MAST4: variants seen among roughly 807,000 people sequenced by gnomAD.
MAST4 encodes microtubule-associated serine/threonine-protein kinase 4.
MAST4 carries 89 observed loss-of-function variants against 162.7 expected under a neutral mutation model. The observed-to-expected ratio is 0.55, with a 90% CI of 0.46 to 0.65. The LOEUF (loss-of-function observed/expected upper bound fraction) is 0.65. Ranked by LOEUF, MAST4 falls within the 30% of genes least tolerant of loss-of-function variation. MAST4 has a pLI of 0.00. For synonymous variants in MAST4, 1,479 were observed against 1,361.1 expected, an observed-to-expected ratio of 1.09 and a Z score of -1.91; for missense variants, 3,153 against 3,374.0, an observed-to-expected ratio of 0.93 and a Z score of 1.62.
intron 3 of MAST4, among the ~76,000 whole-genome samples, chr5:66,827,617 T>G (rs923805227): frequency 1.4e-4 from 22 of 152,234 alleles, no homozygotes; most frequent in African/African-American, 4.8e-4. Flanking sequence ...GACACTTCCT[T>G]CCCCTCTCCC....
chr5:66,983,210 T>C (rs536813592), intron 4 of MAST4, among the ~76,000 whole-genome samples: 2 of 152,224 alleles, frequency 1.3e-5, no homozygotes, highest in Non-Finnish European at 2.9e-5. Context: ...AGTCAGTTTC[T>C]GCTCTAGGCA....
At chr5:67,040,501 A>AGG (rs1561564725) in intron 4 of MAST4, among the ~76,000 whole-genome samples, 1 of 152,148 alleles carries the variant, frequency 6.6e-6, no homozygotes, top group Non-Finnish European at 1.5e-5. Flanking sequence ...ATCTGTACAC[A>AGG]AGTGTATCCT....
chr5:67,131,980 C>T, intron 16 of MAST4, 29 bp downstream of exon 16: 1 of 1,598,658 alleles, frequency 6.3e-7, no homozygotes, highest in Non-Finnish European at 8.5e-7. Flanking sequence ...TATATGTCTT[C>T]TTTTGCCCAA....
At position 67,163,090 on chromosome 5, in the gene MAST4, T is replaced by TG. The variant is rs1581774096; in HGVS notation, c.3968-56dup. ...CCTAATACAGTCTGGGCTACAACTG[T>TG]GAAAAAAAGGGGAAAATGACCATGG... On this transcript the variant is annotated intron_variant, in intron 28 of 28. Transcript: ENST00000403625. This position sits in a 1 kb window ranked among gnomAD's most constrained non-coding sequence, Gnocchi z 7.0. The TG allele has an allele frequency of 4.5e-6, 7 of 1,540,804 alleles. No homozygotes were observed. Among genetic ancestry groups the TG allele is most frequent in the South Asian group, 2.4e-5 (2 of 81,744 alleles).
At chr5:66,934,413 T>C (rs1742493853) in intron 4 of MAST4, among the ~76,000 whole-genome samples, 1 of 152,092 alleles carries the variant, frequency 6.6e-6, no homozygotes, top group South Asian at 2.1e-4. Context: ...ATTGAAGTAG[T>C]AATATTTAGC....
rs144940559 is a variant in MAST4 at position 66,618,807 on chromosome 5, A to AT, written c.363+21799dup. Among the ~76,000 whole-genome samples, 411 of 150,522 alleles carry AT rather than the reference A, an allele frequency of 2.7e-3. 1 individual carries two copies. Among genetic ancestry groups the AT allele is most frequent in the African/African-American group, 8.9e-3 (367 of 41,026 alleles). On this transcript the variant is annotated intron_variant, in intron 1 of 28. Coordinates refer to ENST00000403625, the MANE Select transcript of MAST4 (RefSeq NM_001164664.2). ...GTGCACTTTTTGTAAAAAGAAAAGG[A>AT]TTTTTTTTTTCTGACTTAATTTTGC...
chr5:66,789,727 C>T (rs769288712), intron 3 of MAST4: 4 of 518,808 alleles, frequency 7.7e-6, no homozygotes, highest in Non-Finnish European at 1.5e-5. Flanking sequence ...GATTTCTCCA[C>T]TGTAGTTACC....
At chr5:67,153,047 A>G (rs1772038644) in intron 25 of MAST4, among the ~76,000 whole-genome samples, 181 bp downstream of exon 25, 1 of 152,228 alleles carries the variant, frequency 6.6e-6, no homozygotes, top group South Asian at 2.1e-4. Context: ...GCAAAAACGA[A>G]TATCTCATAA....
intron 3 of MAST4, among the ~76,000 whole-genome samples, chr5:66,800,804 G>A (rs1755883100): frequency 6.6e-6 from 1 of 152,126 alleles, no homozygotes; most frequent in Non-Finnish European, 1.5e-5. Flanking sequence ...CAAAAGATAA[G>A]GATCCTGCTC....
chr5:66,860,758 A>C (rs1760048130), intron 3 of MAST4, among the ~76,000 whole-genome samples: 1 of 126,662 alleles, frequency 7.9e-6, no homozygotes, highest in South Asian at 3.1e-4. Context: ...CGCGAACTTA[A>C]AAAAACAAAA....
At chr5:66,939,747 GT>G (rs1162292177) in intron 4 of MAST4, among the ~76,000 whole-genome samples, 63 of 143,992 alleles carry the variant, frequency 4.4e-4, no homozygotes, top group South Asian at 6.6e-4. Context: ...CTGGGTTTTT[GT>G]TTTTTTTTTT....
chr5:66,958,241 T>C (rs1745567869), intron 4 of MAST4, among the ~76,000 whole-genome samples: 1 of 152,224 alleles, frequency 6.6e-6, no homozygotes, highest in Non-Finnish European at 1.5e-5. Context: ...TAATTTGTTC[T>C]AGTGTTTCTT....
chr5:66,747,230 G>A (rs1193702304), intron 1 of MAST4, among the ~76,000 whole-genome samples: 1 of 152,020 alleles, frequency 6.6e-6, no homozygotes, highest in Non-Finnish European at 1.5e-5. Context: ...TCTTGGAAGG[G>A]AACAGAGAAA....
intron 4 of MAST4, among the ~76,000 whole-genome samples, chr5:66,974,554 A>T (rs1747888232): frequency 6.6e-6 from 1 of 152,216 alleles, no homozygotes; most frequent in African/African-American, 2.4e-5. Flanking sequence ...GTTACAAATG[A>T]CACTCACTGC....
At chr5:66,992,019 C>T (rs553291108) in intron 4 of MAST4, among the ~76,000 whole-genome samples, 2 of 152,300 alleles carry the variant, frequency 1.3e-5, no homozygotes, top group South Asian at 4.1e-4. Context: ...AAATCACTCT[C>T]AAGTTATATA....
chr5:66,734,196 T>C (rs1387088068), intron 1 of MAST4, among the ~76,000 whole-genome samples: 1 of 152,232 alleles, frequency 6.6e-6, no homozygotes. Context: ...AATTCTCCCA[T>C]AGTTACTGTG....
At chr5:66,715,295 A>G (rs912355994) in intron 1 of MAST4, among the ~76,000 whole-genome samples, 6 of 152,130 alleles carry the variant, frequency 3.9e-5, no homozygotes, top group African/African-American at 1.4e-4. Flanking sequence ...TGCAAATCAA[A>G]TGTCTTCTAA....
At chr5:66,669,885 G>T (rs576827195) in intron 1 of MAST4, among the ~76,000 whole-genome samples, 177 of 152,256 alleles carry the variant, frequency 1.2e-3, no homozygotes, top group African/African-American at 4.1e-3. Flanking sequence ...GAATAGGTTT[G>T]CCAGGAAAAA....
intron 1 of MAST4, among the ~76,000 whole-genome samples, chr5:66,703,249 G>A (rs564603690): frequency 1.3e-5 from 2 of 152,134 alleles, no homozygotes; most frequent in Admixed American, 6.5e-5. Context: ...AGAAGATGAC[G>A]CTGACATGAT....
Sources: gnomAD v4.1 joint callset for allele counts (sites outside exome capture counted in the v4.1 genomes callset) on GRCh38, gnomAD v4.1.1 for gene constraint, Gnocchi (gnomAD v3.1) non-coding constraint, MANE v1.5 for transcripts, NCBI Gene and HGNC (gene_info 2026-07-23, HGNC 2026-07-21) for gene names.